BRD4: variants seen among roughly 807,000 people sequenced by gnomAD.
BRD4 encodes the protein bromodomain containing 4, also known as bromodomain-containing protein 4.
In BRD4, 16 loss-of-function variants were observed where a neutral mutation model predicts 142.1. The observed-to-expected ratio is 0.11, with a 90% CI of 0.08 to 0.17. The LOEUF is 0.17. BRD4 is among the 10% of genes least tolerant of loss of function. The probability of loss-of-function intolerance (pLI) is 1.00; values close to 1 mark genes in which losing one functional copy is unlikely to be tolerated. For missense variants in BRD4, 1,424 were observed against 1,810.9 expected (o/e 0.79, Z 3.88); for synonymous variants, 833 against 707.5 (o/e 1.18, Z -2.82).
intron 1 of BRD4, among the ~76,000 whole-genome samples, chr19:15,288,609 TCA>T (rs1370793471): frequency 1.3e-5 from 2 of 152,154 alleles, no homozygotes; most frequent in Admixed American, 6.5e-5. Context: ...CAGAACAGCT[TCA>T]CAGTCTTCCC....
intron 8 of BRD4, among the ~76,000 whole-genome samples, chr19:15,256,513 T>C (rs1359941239): frequency 1.3e-5 from 2 of 152,180 alleles, no homozygotes; most frequent in Non-Finnish European, 2.9e-5. Flanking sequence ...CCAGAGGAGC[T>C]GATCAAGCCG....
intron 14 of BRD4, among the ~76,000 whole-genome samples, chr19:15,242,000 A>T (rs1436568489): frequency 6.6e-6 from 1 of 152,020 alleles, no homozygotes; most frequent in Non-Finnish European, 1.5e-5. Flanking sequence ...TTTAGTACAG[A>T]TAGGGTTTCA....
chr19:15,244,697 T>C lies in BRD4; in HGVS notation c.2211+13A>G. ...CGTCCCACCTAATGAAGGATGCCCC[T>C]GAGCCCATGTACCTTCTTCTGCTCC... On this transcript the variant is annotated intron_variant, in intron 12 of 19. Transcript: ENST00000679869. 4 of 1,614,016 alleles carry C rather than the reference T, an allele frequency of 2.5e-6. No homozygotes were observed. The highest frequency in any genetic ancestry group is 3.4e-6 in the Non-Finnish European group (4 of 1,179,940).
intron 1 of BRD4, among the ~76,000 whole-genome samples, chr19:15,311,997 C>T (rs2047975571): frequency 6.6e-6 from 1 of 152,202 alleles, no homozygotes. Context: ...TAGTGATCTG[C>T]TGCACGACAA....
intron 1 of BRD4, among the ~76,000 whole-genome samples, chr19:15,308,240 T>C (rs1599512260): frequency 7.7e-6 from 1 of 129,818 alleles, no homozygotes; most frequent in Non-Finnish European, 1.5e-5. Context: ...GGGTCATGCA[T>C]GTGACTCACC....
chr19:15,272,881 T>C lies in BRD4; in HGVS notation c.219A>G (p.Thr73=), dbSNP rs766814841. Residue 73 remains threonine, a synonymous_variant, in exon 2 of 20, where the codon ACA becomes ACG. Transcript: ENST00000679869. ...GCCATGCAAACTGGTGTTTCCATAG[T>C]GTCTTGAGCACCACTCTGAGCAGGT... ...LQYLLRVVLK[T]LWKHQFAWPF... The C allele has an allele frequency of 7.4e-6, 12 of 1,613,936 alleles. No individual in the cohort carries two copies. The highest frequency in any genetic ancestry group is 8.5e-6 in the Non-Finnish European group (10 of 1,180,008).
intron 1 of BRD4, among the ~76,000 whole-genome samples, chr19:15,301,810 G>A (rs2047870286): frequency 7.1e-6 from 1 of 140,668 alleles, no homozygotes; most frequent in Non-Finnish European, 1.5e-5. Context: ...GCAGTAAGCC[G>A]AAGACTGTGC....
At position 15,249,255 on chromosome 19, in the gene BRD4, T is replaced by G. The variant is rs555970451; in HGVS notation, c.2159-4493A>C. ...GAAGGAATCTGGAACTGAAGACCGT[T>G]TTATTAAGAGTCCGTGTCCAATGAT... On this transcript the variant is annotated intron_variant, in intron 11 of 19. Coordinates refer to ENST00000679869, the MANE Select transcript of BRD4 (RefSeq NM_001379291.1). The G allele has an allele frequency of 1.2e-5, 20 of 1,613,990 alleles. No homozygotes were observed. The South Asian group carries it at 2.2e-4, about 18-fold the overall frequency.
At position 15,237,158 on chromosome 19, in the gene BRD4, A is replaced by AAAAAAC. The variant is rs961105056; in HGVS notation, c.*1213_*1218dup. ...ATCCCTTGGCCCTTCCTTTCTCAGT[A>AAAAAAC]AAAAACAAAAACAAAAACAAAAACC... On this transcript the variant is annotated 3_prime_UTR_variant, in exon 20 of 20. Coordinates refer to ENST00000679869, the MANE Select transcript of BRD4 (RefSeq NM_001379291.1). 10 of 206,862 alleles carry AAAAAAC rather than the reference A, an allele frequency of 4.8e-5. No individual in the cohort carries two copies. The highest frequency in any genetic ancestry group is 1.9e-4 in the South Asian group (1 of 5,160). The allele number at this position is 206,862 out of a possible 1,614,324, so 12.8% of individuals were successfully genotyped here.
chr19:15,330,684 T>C (rs1027363214), intron 1 of BRD4, among the ~76,000 whole-genome samples: 1 of 152,082 alleles, frequency 6.6e-6, no homozygotes, highest in Non-Finnish European at 1.5e-5. Flanking sequence ...GGAGAATCGC[T>C]TGAACCCAGG....
At chr19:15,291,978 T>A (rs909572703) in intron 1 of BRD4, among the ~76,000 whole-genome samples, 4 of 152,218 alleles carry the variant, frequency 2.6e-5, no homozygotes, top group Non-Finnish European at 4.4e-5. Flanking sequence ...TTTACATTCT[T>A]ACAGCCAAAA....
At chr19:15,314,409 C>G (rs764313919) in intron 1 of BRD4, among the ~76,000 whole-genome samples, 2 of 152,118 alleles carry the variant, frequency 1.3e-5, no homozygotes, top group Non-Finnish European at 2.9e-5. Context: ...CTTCACCATT[C>G]CCCAGATTAA....
At chr19:15,288,422 TAGA>T (rs764910137) in intron 1 of BRD4, among the ~76,000 whole-genome samples, 3 of 151,916 alleles carry the variant, frequency 2.0e-5, no homozygotes, top group African/African-American at 4.8e-5. Flanking sequence ...TAAAAATAAA[TAGA>T]AGAAGAGGAG....
In BRD4 at chr19:15,243,384, G is replaced by C. The variant is rs1290027086; in HGVS notation, c.2685C>G (p.Thr895=). ...ARPPAVSPAL[T]QTPLLPQPPM... ...GGGGCTGTGGGAGCAGGGGTGTTTG[G>C]GTCAAGGCTGGTGACACGGCTGGGG... Residue 895 remains threonine, a synonymous_variant, in exon 14 of 20, where the codon ACC becomes ACG. Transcript: ENST00000679869. 8.5e-6 allele frequency: 13 copies of C among 1,535,316 alleles called. No homozygotes were observed. The African/African-American group carries it at 1.7e-4, about 20-fold the overall frequency.
chr19:15,282,514 C>T (rs1237364174), intron 1 of BRD4, among the ~76,000 whole-genome samples: 1 of 152,340 alleles, frequency 6.6e-6, no homozygotes, highest in South Asian at 2.1e-4. Context: ...TCCCCTTTGA[C>T]AAGCCCATAC....
intron 1 of BRD4, among the ~76,000 whole-genome samples, chr19:15,308,992 GAGAC>G (rs1243439644): frequency 6.6e-6 from 1 of 151,274 alleles, no homozygotes; most frequent in Non-Finnish European, 1.5e-5. Flanking sequence ...TCCAGCCTGG[GAGAC>G]AGAGCAAGAC....
intron 1 of BRD4, among the ~76,000 whole-genome samples, chr19:15,292,215 T>C (rs950384189): frequency 3.9e-5 from 6 of 152,180 alleles, no homozygotes; most frequent in African/African-American, 1.2e-4. Context: ...GTGTTCTCTG[T>C]ATCCTGGAAT....
intron 7 of BRD4, among the ~76,000 whole-genome samples, chr19:15,258,390 A>G (rs2047435314): frequency 6.6e-6 from 1 of 152,050 alleles, no homozygotes; most frequent in African/African-American, 2.4e-5. Flanking sequence ...ATCTCAGCTC[A>G]CTGTAACCTC....
intron 7 of BRD4, among the ~76,000 whole-genome samples, chr19:15,260,315 A>G (rs1475709734): frequency 6.6e-6 from 1 of 152,230 alleles, no homozygotes; most frequent in African/African-American, 2.4e-5. Flanking sequence ...GACCCAATTA[A>G]GCAGGTCCCA....
Sources: allele counts gnomAD v4.1 joint callset (sites outside exome capture counted in the v4.1 genomes callset), GRCh38; gene constraint gnomAD v4.1.1; transcripts MANE v1.5; gene names NCBI Gene and HGNC (gene_info 2026-07-23, HGNC 2026-07-21).